Variants in ARHGAP6 observed in about 807,000 individuals in gnomAD.
ARHGAP6 encodes rho GTPase-activating protein 6.
A neutral mutation model predicts 55.7 loss-of-function variants in ARHGAP6; 16 were observed. That is an observed-to-expected ratio of 0.29 (90% CI 0.19 to 0.44). ARHGAP6 has a LOEUF of 0.44. Among genes scored for constraint, ARHGAP6 ranks in the 20% least tolerant of loss-of-function variants. The probability of loss-of-function intolerance (pLI) is 1.00; values close to 1 mark genes in which losing one functional copy is unlikely to be tolerated. For synonymous variants in ARHGAP6, 382 were observed against 360.9 expected (o/e 1.06, Z -0.66); for missense variants, 698 against 808.9 (o/e 0.86, Z 1.66).
intron 2 of ARHGAP6, among the ~76,000 whole-genome samples, chrX:11,243,754 AT>A: frequency 8.9e-6 from 1 of 111,971 alleles, no homozygotes; most frequent in Non-Finnish European, 1.9e-5. Context: ...CAGCTATACT[AT>A]TTTTTATCTT....
intron 1 of ARHGAP6, among the ~76,000 whole-genome samples, chrX:11,382,943 T>A (rs995734341): frequency 2.7e-5 from 3 of 112,418 alleles, no homozygotes; most frequent in African/African-American, 9.7e-5. Context: ...GAAGTGGATG[T>A]GGCATCTCTA....
chrX:11,269,818 C>T (rs149330247), intron 1 of ARHGAP6, among the ~76,000 whole-genome samples: 5 of 111,636 alleles, frequency 4.5e-5, no homozygotes, highest in Non-Finnish European at 9.4e-5. Flanking sequence ...AGCTGTCCGT[C>T]CTTTCCCCAT....
chrX:11,359,586 T>C (rs2048981356), intron 1 of ARHGAP6, among the ~76,000 whole-genome samples: 2 of 111,903 alleles, frequency 1.8e-5, no homozygotes, highest in African/African-American at 6.5e-5. Context: ...CTAATCATCT[T>C]TGCACAAGCA....
chrX:11,220,539 A>G (rs1423619603), intron 2 of ARHGAP6, among the ~76,000 whole-genome samples: 5 of 110,967 alleles, frequency 4.5e-5, no homozygotes, highest in African/African-American at 1.3e-4. Context: ...ACTAAGCTTC[A>G]TAAGTGAAGG....
intron 1 of ARHGAP6, among the ~76,000 whole-genome samples, chrX:11,333,645 T>C (rs1283573891): frequency 8.9e-6 from 1 of 112,414 alleles, no homozygotes; most frequent in Non-Finnish European, 1.9e-5. Context: ...GGAGAAGAGA[T>C]AGCCTTTTCT....
intron 1 of ARHGAP6, chrX:11,300,743 T>TA: frequency 1.7e-6 from 1 of 583,135 alleles, no homozygotes; most frequent in Non-Finnish European, 2.8e-6. Flanking sequence ...TAGCAGACAA[T>TA]AAAATGCATT....
intron 1 of ARHGAP6, among the ~76,000 whole-genome samples, chrX:11,613,186 C>A (rs2052123250): frequency 8.9e-6 from 1 of 112,055 alleles, no homozygotes; most frequent in Admixed American, 9.5e-5. Context: ...AAGCGTTAAC[C>A]TGACCCAAGG....
At chrX:11,375,910 T>A (rs753290473) in intron 1 of ARHGAP6, among the ~76,000 whole-genome samples, 52 of 110,316 alleles carry the variant, frequency 4.7e-4, no homozygotes, top group Non-Finnish European at 8.2e-4. Context: ...GCCAGGAAGA[T>A]AAAGGAAGTT....
At chrX:11,295,696 G>C (rs997155514) in intron 1 of ARHGAP6, among the ~76,000 whole-genome samples, 3 of 111,719 alleles carry the variant, frequency 2.7e-5, no homozygotes, top group African/African-American at 9.8e-5. Context: ...GCGATTCCTA[G>C]TTTCCTCAGG....
At chrX:11,384,014 CAAAG>C (rs2049294213) in intron 1 of ARHGAP6, among the ~76,000 whole-genome samples, 1 of 108,419 alleles carries the variant, frequency 9.2e-6, no homozygotes, top group Non-Finnish European at 1.9e-5. Context: ...GAAAAAAACA[CAAAG>C]AACACCATAT....
chrX:11,189,058 C>T lies in ARHGAP6; in HGVS notation c.821-74G>A, dbSNP rs767331033. ...GAACACTCTCATTTATGTTTCAGACCTAAGTAAGAACAGACATATTCAAAG... is the reference window on the plus strand; with the variant it reads ...GAACACTCTCATTTATGTTTCAGACTTAAGTAAGAACAGACATATTCAAAG... On this transcript the variant is annotated intron_variant, in intron 3 of 12. Coordinates refer to ENST00000337414, the MANE Select transcript of ARHGAP6 (RefSeq NM_013427.3). 21 of 1,089,219 alleles carry T rather than the reference C, an allele frequency of 1.9e-5. No individual in the cohort carries two copies. In the Middle Eastern group the frequency reaches 1.8e-3, roughly 91 times the overall value. 89.8% of individuals were successfully genotyped at this position (1,089,219 alleles called of 1,213,427 possible). A position where few individuals can be genotyped will look rare whatever the true frequency, so the allele number is the denominator to read the frequency against.
chrX:11,462,939 G>A (rs759515500), intron 1 of ARHGAP6, among the ~76,000 whole-genome samples: 2 of 112,737 alleles, frequency 1.8e-5, no homozygotes, highest in South Asian at 7.3e-4. Flanking sequence ...GAAAGTACTT[G>A]AGTGTATTCT....
intron 1 of ARHGAP6, among the ~76,000 whole-genome samples, chrX:11,306,637 C>CGT (rs1162965410): frequency 8.9e-6 from 1 of 112,592 alleles, no homozygotes; most frequent in Non-Finnish European, 1.9e-5. Context: ...AAAACACACA[C>CGT]ACACTGCCCC....
chrX:11,532,138 T>G (rs1296801214), intron 1 of ARHGAP6, among the ~76,000 whole-genome samples: 1 of 112,256 alleles, frequency 8.9e-6, no homozygotes, highest in Non-Finnish European at 1.9e-5. Flanking sequence ...CAGTTCATGG[T>G]ATTTCTTTAA....
chrX:11,345,973 T>C (rs983180916), intron 1 of ARHGAP6, among the ~76,000 whole-genome samples: 1 of 110,611 alleles, frequency 9.0e-6, no homozygotes, highest in Admixed American at 9.7e-5. Flanking sequence ...GGCACATTTT[T>C]TTTTTTTAAG....
At chrX:11,473,586 C>T (rs765977659) in intron 1 of ARHGAP6, among the ~76,000 whole-genome samples, 1 of 111,481 alleles carries the variant, frequency 9.0e-6, no homozygotes, top group Admixed American at 9.5e-5. Flanking sequence ...CAAGGATTGC[C>T]AGGAGCCACT....
intron 1 of ARHGAP6, among the ~76,000 whole-genome samples, chrX:11,484,617 A>C (rs770391839): frequency 2.7e-5 from 3 of 110,841 alleles, no homozygotes; most frequent in Non-Finnish European, 5.7e-5. Context: ...AGAAAAGAAA[A>C]GAGAAAAAGA....
At chrX:11,505,972 A>T (rs2050728140) in intron 1 of ARHGAP6, among the ~76,000 whole-genome samples, 1 of 111,265 alleles carries the variant, frequency 9.0e-6, no homozygotes, top group Non-Finnish European at 1.9e-5. Context: ...AATAGTCTGT[A>T]CAACAAACCG....
chrX:11,276,436 A>G (rs758638743), intron 1 of ARHGAP6, among the ~76,000 whole-genome samples: 23 of 112,396 alleles, frequency 2.0e-4, no homozygotes, highest in Non-Finnish European at 2.1e-4. Context: ...TCTGTCTATT[A>G]GCATGGAAAC....
Sources: allele counts gnomAD v4.1 joint callset (sites outside exome capture counted in the v4.1 genomes callset), GRCh38; gene constraint gnomAD v4.1.1; transcripts MANE v1.5; gene names NCBI Gene and HGNC (gene_info 2026-07-23, HGNC 2026-07-21).